The following MROH9 variants were observed in gnomAD, a reference collection of about 807,000 sequenced individuals.
The protein encoded by MROH9 is maestro heat-like repeat-containing protein family member 9.
MROH9 carries 92 observed loss-of-function variants against 98.2 expected under a neutral mutation model. That is an observed-to-expected ratio of 0.94 (90% CI 0.79 to 1.11). The LOEUF is 1.11. Among genes scored for constraint, MROH9 ranks in the 50% most tolerant of loss-of-function variants. The probability of loss-of-function intolerance (pLI) is 0.00; values close to 1 mark genes in which losing one functional copy is unlikely to be tolerated. For missense variants in MROH9, 1,057 were observed against 1,014.8 expected (o/e 1.04, Z -0.57); for synonymous variants, 397 against 368.9 (o/e 1.08, Z -0.87).
intron 19 of MROH9, 68 bp downstream of exon 19, chr1:171,024,833 T>C: frequency 1.1e-6 from 1 of 916,902 alleles, no homozygotes; most frequent in Non-Finnish European, 1.7e-6. Flanking sequence ...TCCAAAGTGA[T>C]AAAAACTGTA....
intron 21 of MROH9, among the ~76,000 whole-genome samples, chr1:171,062,776 G>GCCTT (rs1654051074): frequency 6.6e-6 from 1 of 152,166 alleles, no homozygotes; most frequent in South Asian, 2.1e-4. Flanking sequence ...CAAGTTGGCT[G>GCCTT]CCTTCCTTCC....
chr1:170,955,225 G>A (rs1649715209), intron 3 of MROH9, among the ~76,000 whole-genome samples: 1 of 152,028 alleles, frequency 6.6e-6, no homozygotes, highest in South Asian at 2.1e-4. Flanking sequence ...TTGTTGATGG[G>A]CATTTGGGTT....
intron 12 of MROH9, among the ~76,000 whole-genome samples, chr1:170,994,418 T>G (rs1325342198): frequency 6.6e-6 from 1 of 152,226 alleles, no homozygotes; most frequent in Non-Finnish European, 1.5e-5. Context: ...CTATGAAGTT[T>G]TCTGTCATGT....
At chr1:170,999,877 T>C (rs1327239330) in intron 15 of MROH9, among the ~76,000 whole-genome samples, 1 of 152,092 alleles carries the variant, frequency 6.6e-6, no homozygotes, top group African/African-American at 2.4e-5. Flanking sequence ...CTGTCATTCT[T>C]GCAGGAGTAA....
chr1:170,989,785 A>G, intron 10 of MROH9, 70 bp from the exon 11 acceptor site: 1 of 1,401,514 alleles, frequency 7.1e-7, no homozygotes, highest in Non-Finnish European at 9.7e-7. Context: ...CTTATGTCCA[A>G]GAAATGCCTT....
intron 20 of MROH9, among the ~76,000 whole-genome samples, chr1:171,053,081 C>T (rs932042193): frequency 3.9e-5 from 6 of 152,170 alleles, no homozygotes; most frequent in Non-Finnish European, 8.8e-5. Context: ...CTGTAAAACT[C>T]GCTGCGGCTT....
At chr1:171,039,269 T>C (rs74123661) in intron 20 of MROH9, among the ~76,000 whole-genome samples, 10,450 of 152,276 alleles carry the variant, frequency 0.069, 1,213 homozygotes, top group African/African-American at 0.24. Flanking sequence ...GGTGGTAACA[T>C]TGTATTTATG....
intron 12 of MROH9, among the ~76,000 whole-genome samples, chr1:170,992,739 A>G (rs1311138980): frequency 2.0e-5 from 3 of 152,148 alleles, no homozygotes; most frequent in African/African-American, 7.2e-5. Context: ...GAGAGAAGGG[A>G]AAAGTCTCGT....
intron 8 of MROH9, among the ~76,000 whole-genome samples, chr1:170,973,205 C>T (rs995525899): frequency 6.6e-6 from 1 of 152,020 alleles, no homozygotes; most frequent in Non-Finnish European, 1.5e-5. Context: ...TAGCTGAGTA[C>T]TAATGAGAAC....
chr1:171,050,636 T>A (rs771727529), intron 20 of MROH9, among the ~76,000 whole-genome samples: 18 of 152,178 alleles, frequency 1.2e-4, no homozygotes, highest in Non-Finnish European at 2.1e-4. Context: ...GACATAATCT[T>A]TTCCAGTTTG....
intron 9 of MROH9, among the ~76,000 whole-genome samples, chr1:170,985,342 C>T (rs564790485): frequency 3.9e-5 from 6 of 151,996 alleles, no homozygotes; most frequent in Admixed American, 1.3e-4. Context: ...TTCAAGCAAG[C>T]GGCATCAAGA....
chr1:170,987,582 G>A (rs1022694993), intron 10 of MROH9, among the ~76,000 whole-genome samples: 2 of 152,128 alleles, frequency 1.3e-5, no homozygotes, highest in Non-Finnish European at 2.9e-5. Flanking sequence ...TTAGTCGTGA[G>A]CACAAATTTT....
At chr1:171,012,138 C>A (rs2101829886) in intron 15 of MROH9, among the ~76,000 whole-genome samples, 1 of 151,646 alleles carries the variant, frequency 6.6e-6, no homozygotes, top group Middle Eastern at 3.4e-3. Context: ...GTTTGAGTTC[C>A]TCTGTGGTTT....
At chr1:170,974,102 G>C (rs181704768) in intron 8 of MROH9, among the ~76,000 whole-genome samples, 3 of 152,214 alleles carry the variant, frequency 2.0e-5, no homozygotes, top group Admixed American at 2.0e-4. Context: ...CATAGTAATA[G>C]TAATTATCAA....
At chr1:170,945,103 T>C (rs567653547) in intron 1 of MROH9, among the ~76,000 whole-genome samples, 1 of 151,944 alleles carries the variant, frequency 6.6e-6, no homozygotes, top group Non-Finnish European at 1.5e-5. Context: ...ACAGGTCATA[T>C]GGCAAGAAAC....
rs1491154307 is a variant in MROH9 at position 170,970,731 on chromosome 1, T to TGTGTGAGAGAGA, written c.481-1016_481-1015insTGTGAGAGAGAG. Among the ~76,000 whole-genome samples, 118 of 90,856 alleles carry TGTGTGAGAGAGA rather than the reference T, an allele frequency of 1.3e-3. 1 individual carries two copies. The highest frequency in any genetic ancestry group is 7.9e-3 in the East Asian group (26 of 3,296). 59.6% of individuals were successfully genotyped at this position (90,856 alleles called of 152,430 possible). ...GTGTGTGTGTGTGTGTGTGTGTGTG[T>TGTGTGAGAGAGA]GAGAGAGAGAGAGAGAGAGAGAGAG... On this transcript the variant is annotated intron_variant, in intron 7 of 21. Coordinates refer to ENST00000367759, the MANE Select transcript of MROH9 (RefSeq NM_001163629.2).
chr1:170,976,941 T>G (rs1044475603), intron 8 of MROH9, among the ~76,000 whole-genome samples: 1 of 152,120 alleles, frequency 6.6e-6, no homozygotes, highest in Non-Finnish European at 1.5e-5. Flanking sequence ...ACATTCTGGT[T>G]TCTTTTTTTT....
At chr1:171,037,737 T>C (rs542534119) in intron 20 of MROH9, among the ~76,000 whole-genome samples, 2 of 152,126 alleles carry the variant, frequency 1.3e-5, no homozygotes, top group East Asian at 1.9e-4. Flanking sequence ...ATGGAATGAA[T>C]AGACAGATAA....
intron 1 of MROH9, among the ~76,000 whole-genome samples, chr1:170,938,740 GT>G (rs1648996389): frequency 6.6e-6 from 1 of 152,240 alleles, no homozygotes; most frequent in African/African-American, 2.4e-5. Flanking sequence ...CAGGGTAAGT[GT>G]CTATTTCAGT....
Sources: gnomAD v4.1 joint callset for allele counts (sites outside exome capture counted in the v4.1 genomes callset) on GRCh38, gnomAD v4.1.1 for gene constraint, MANE v1.5 for transcripts, NCBI Gene and HGNC (gene_info 2026-07-23, HGNC 2026-07-21) for gene names.